The following PELI2 variants were observed in gnomAD, a reference collection of about 807,000 sequenced individuals.
The protein encoded by PELI2 is E3 ubiquitin-protein ligase pellino homolog 2.
PELI2 carries 23 observed loss-of-function variants against 42.3 expected under a neutral mutation model. That is an observed-to-expected ratio of 0.54 (90% confidence interval 0.39 to 0.77). PELI2 has a LOEUF of 0.77. Among genes scored for constraint, PELI2 ranks in the 30% least tolerant of loss-of-function variants. The pLI is 0.00. For missense variants in PELI2, 463 were observed against 553.2 expected (o/e 0.84, Z 1.64); for synonymous variants, 245 against 212.2 (o/e 1.15, Z -1.34).
In PELI2 at chr14:56,238,539, C is replaced by T. The variant is rs576132349; in HGVS notation, c.208-41137C>T. ...ATCTCTCTAATGATTTTGCCGCTGT[C>T]GTAATAAAACCCTCATCCCTCCGTG... On this transcript the variant is annotated intron_variant, in intron 2 of 5. Coordinates refer to ENST00000267460, the MANE Select transcript of PELI2 (RefSeq NM_021255.3). 3.3e-5 allele frequency among the ~76,000 whole-genome samples: 5 copies of T among 152,192 alleles called. No individual in the cohort carries two copies. The South Asian group carries it at 8.3e-4, about 25-fold the overall frequency.
rs1890046988 is a variant in PELI2, at chr14:56,297,430, G to C, written c.*264G>C. 2.9e-6 allele frequency: 1 copy of C among 350,384 alleles called. No homozygotes were observed. Among genetic ancestry groups the C allele is most frequent in the Non-Finnish European group, 5.1e-6 (1 of 194,908 alleles). The allele number at this position is 350,384 out of a possible 1,614,324, so 21.7% of individuals were successfully genotyped here. On this transcript the variant is annotated 3_prime_UTR_variant, in exon 6 of 6. Transcript: ENST00000267460. ...GTAATAATTGGATTTAAAATGCTAT[G>C]CTTCTATTTTTAACCTTGGGTTTTT...
At chr14:56,129,607 C>T (rs929491009) in intron 1 of PELI2, among the ~76,000 whole-genome samples, 5 of 152,188 alleles carry the variant, frequency 3.3e-5, no homozygotes, top group African/African-American at 1.2e-4. Flanking sequence ...GGACCCATAG[C>T]CCTGTGCTCT....
intron 2 of PELI2, among the ~76,000 whole-genome samples, chr14:56,193,747 A>C (rs1479235488): frequency 6.6e-6 from 1 of 152,246 alleles, no homozygotes; most frequent in Non-Finnish European, 1.5e-5. Context: ...CTTCTGATAA[A>C]GAATTGGAAT....
Position 56,296,635 on chromosome 14 carries a change from C to T in PELI2, c.732C>T (p.Ser244=), listed in dbSNP as rs72720080. The T allele has an allele frequency of 6.2e-7, 1 of 1,610,558 alleles. No individual in the cohort carries two copies. The highest frequency in any genetic ancestry group is 8.5e-7 in the Non-Finnish European group (1 of 1,177,384). Residue 244 remains serine (S), a synonymous_variant, in exon 6 of 6, where the codon TCC becomes TCT. Transcript: ENST00000267460. Reference sequence around the variant, plus strand: ...AGACCAACGTCCTGCAGGACGGCTCCCTCATTGACCTGTGTGGGGCCACTC... The same window carrying T: ...AGACCAACGTCCTGCAGGACGGCTCTCTCATTGACCTGTGTGGGGCCACTC... The part of the protein sequence containing the change: ...ESETNVLQDG[S]LIDLCGATLL...
At chr14:56,232,476 T>C (rs1180803905) in intron 2 of PELI2, among the ~76,000 whole-genome samples, 1 of 152,056 alleles carries the variant, frequency 6.6e-6, no homozygotes, top group Non-Finnish European at 1.5e-5. Context: ...AATAAATGTG[T>C]TCCATCATAT....
At chr14:56,176,811 G>T (rs1485527953) in intron 1 of PELI2, among the ~76,000 whole-genome samples, 1 of 152,188 alleles carries the variant, frequency 6.6e-6, no homozygotes, top group Non-Finnish European at 1.5e-5. Context: ...TGTACTAATT[G>T]TGTGTAGGCT....
intron 2 of PELI2, among the ~76,000 whole-genome samples, chr14:56,193,789 G>C (rs1008939957): frequency 1.3e-5 from 2 of 152,186 alleles, no homozygotes; most frequent in East Asian, 1.9e-4. Flanking sequence ...TTAAGTTAAT[G>C]TGAGATTTTT....
chr14:56,224,920 C>A (rs1887287586), intron 2 of PELI2, among the ~76,000 whole-genome samples: 1 of 152,066 alleles, frequency 6.6e-6, no homozygotes, highest in Non-Finnish European at 1.5e-5. Context: ...CATAATCCTG[C>A]CATAGCACCA....
intron 3 of PELI2, among the ~76,000 whole-genome samples, chr14:56,283,532 C>A (rs1012901437): frequency 3.9e-5 from 6 of 152,204 alleles, no homozygotes; most frequent in African/African-American, 1.4e-4. Flanking sequence ...TGTACCTAGA[C>A]CCCATGGCAG....
At chr14:56,170,588 C>T (rs1287978760) in intron 1 of PELI2, among the ~76,000 whole-genome samples, 2 of 152,162 alleles carry the variant, frequency 1.3e-5, no homozygotes, top group East Asian at 1.9e-4. Flanking sequence ...CGTGTGTGAT[C>T]AGCCATTCTG....
At chr14:56,137,627 A>G (rs776791582) in intron 1 of PELI2, among the ~76,000 whole-genome samples, 2 of 152,230 alleles carry the variant, frequency 1.3e-5, no homozygotes. Context: ...ATAACTGAGC[A>G]ATATAGTTAT....
chr14:56,284,023 G>A (rs1889569085), intron 3 of PELI2, among the ~76,000 whole-genome samples: 2 of 152,202 alleles, frequency 1.3e-5, no homozygotes, highest in African/African-American at 4.8e-5. Context: ...CCTCAGTGTG[G>A]AGAGTTTGTT....
chr14:56,129,234 T>C (rs572130946), intron 1 of PELI2, among the ~76,000 whole-genome samples: 1 of 152,352 alleles, frequency 6.6e-6, no homozygotes, highest in South Asian at 2.1e-4. Context: ...GGACCCAGTC[T>C]TGCTTGAAAT....
Position 56,190,613 on chromosome 14 carries a change from C to A in PELI2, c.207+12149C>A, listed in dbSNP as rs918527161. Reference sequence around the variant, plus strand: ...GTTTTGGTACTTTGTACAGTTGGATCTATAGTATAGACTTTTTGTTGCTGA... The same window carrying A: ...GTTTTGGTACTTTGTACAGTTGGATATATAGTATAGACTTTTTGTTGCTGA... On this transcript the variant is annotated intron_variant, in intron 2 of 5. Transcript: ENST00000267460. Among the ~76,000 whole-genome samples the A allele has an allele frequency of 4.6e-5, 7 of 152,170 alleles. No homozygotes were observed. The East Asian group carries it at 1.2e-3, about 25-fold the overall frequency.
At chr14:56,256,042 AC>A (rs1888516114) in intron 2 of PELI2, among the ~76,000 whole-genome samples, 1 of 152,158 alleles carries the variant, frequency 6.6e-6, no homozygotes, top group Non-Finnish European at 1.5e-5. Context: ...GGACTCCAGT[AC>A]CCTTTCTTAC....
At position 56,171,622 on chromosome 14, in the gene PELI2, C is replaced by A. The variant is rs147520743; in HGVS notation, c.78-6713C>A. On this transcript the variant is annotated intron_variant, in intron 1 of 5. Transcript: ENST00000267460. Reference sequence around the variant, plus strand: ...GAAGGCCTCACTTTTTTAGAACTCACATTCCCTAGGAGGCAGATGGGCCAG... The same window carrying A: ...GAAGGCCTCACTTTTTTAGAACTCAAATTCCCTAGGAGGCAGATGGGCCAG... 1.5e-4 allele frequency among the ~76,000 whole-genome samples: 23 copies of A among 152,336 alleles called. 1 individual carries two copies. Among genetic ancestry groups the A allele is most frequent in the Middle Eastern group, 3.4e-3 (1 of 294 alleles).
At chr14:56,267,630 T>C (rs909137080) in intron 2 of PELI2, among the ~76,000 whole-genome samples, 2 of 152,158 alleles carry the variant, frequency 1.3e-5, no homozygotes, top group African/African-American at 4.8e-5. Flanking sequence ...AGAATAAATA[T>C]TTTCATGGTT....
At chr14:56,125,213 A>G (rs899871868) in intron 1 of PELI2, among the ~76,000 whole-genome samples, 1 of 152,170 alleles carries the variant, frequency 6.6e-6, no homozygotes, top group African/African-American at 2.4e-5. Flanking sequence ...TCAGTGACTC[A>G]AGATACTGAC....
At chr14:56,142,571 C>T (rs1322394335) in intron 1 of PELI2, among the ~76,000 whole-genome samples, 1 of 152,196 alleles carries the variant, frequency 6.6e-6, no homozygotes, top group Admixed American at 6.5e-5. Context: ...TACGCATTTA[C>T]ACATAATTAC....
Sources: gnomAD v4.1 joint callset for allele counts (sites outside exome capture counted in the v4.1 genomes callset) on GRCh38, gnomAD v4.1.1 for gene constraint, MANE v1.5 for transcripts, NCBI Gene and HGNC (gene_info 2026-07-23, HGNC 2026-07-21) for gene names.